The following PCDHGC5 variants were observed in gnomAD, a reference collection of about 807,000 sequenced individuals.
The protein encoded by PCDHGC5 is protocadherin gamma-C5.
A neutral mutation model predicts 59.0 loss-of-function variants in PCDHGC5; 25 were observed. That is an observed-to-expected ratio of 0.42 (90% CI 0.31 to 0.59). PCDHGC5 has a LOEUF of 0.59. Ranked by LOEUF, PCDHGC5 falls within the 20% of genes least tolerant of loss-of-function variation. The pLI is 0.13. For synonymous variants in PCDHGC5, 434 were observed against 505.5 expected, an observed-to-expected ratio of 0.86 and a Z score of 1.90; for missense variants, 1,067 against 1,206.4, an observed-to-expected ratio of 0.88 and a Z score of 1.71.
At chr5:141,500,947 C>T (rs933082173) in intron 2 of PCDHGC5, among the ~76,000 whole-genome samples, 15 of 151,822 alleles carry the variant, frequency 9.9e-5, no homozygotes, top group African/African-American at 3.6e-4. Context: ...CGGCTCACTG[C>T]AAGCTCCACC....
chr5:141,490,421 C>T lies in PCDHGC5; in HGVS notation c.1181C>T (p.Pro394Leu). The change falls in exon 1 of 4, where the codon CCA (proline) becomes CTA (leucine). Residue 394 changes from proline (P) to leucine (L), a missense_variant. Coordinates refer to ENST00000252087, the MANE Select transcript of PCDHGC5 (RefSeq NM_018929.3). The surrounding 1 kb of genome is among the most constrained non-coding windows in gnomAD (Gnocchi z 5.4). ...AGCCTTGATATCTCTCCGGACCTGCCATTTCAGATTAAGCCTTCTGAGAAC... is the reference window on the plus strand; with the variant it reads ...AGCCTTGATATCTCTCCGGACCTGCTATTTCAGATTAAGCCTTCTGAGAAC... ...EVSLDISPDLPFQIKPSENHY... is the reference protein window; with the variant it reads ...EVSLDISPDLLFQIKPSENHY... 1 of 1,614,192 alleles carries T rather than the reference C, an allele frequency of 6.2e-7. No homozygotes were observed. The highest frequency in any genetic ancestry group is 8.5e-7 in the Non-Finnish European group (1 of 1,180,016).
intron 3 of PCDHGC5, among the ~76,000 whole-genome samples, chr5:141,506,682 C>A (rs1333272766): frequency 6.6e-6 from 1 of 152,192 alleles, no homozygotes; most frequent in East Asian, 1.9e-4. Context: ...ATATTATTAT[C>A]TTTGCTGACC....
chr5:141,505,557 A>C (rs2099846692), intron 3 of PCDHGC5, 76 bp downstream of exon 3: 1 of 1,606,080 alleles, frequency 6.2e-7, no homozygotes, highest in Non-Finnish European at 8.5e-7. Flanking sequence ...CACCATGCCC[A>C]CGGACTGGAT....
intron 2 of PCDHGC5, among the ~76,000 whole-genome samples, chr5:141,498,889 C>T (rs1415870992): frequency 3.4e-5 from 5 of 146,174 alleles, no homozygotes; most frequent in African/African-American, 1.3e-4. Flanking sequence ...GCTGAGATCA[C>T]ACCACTGCAC....
chr5:141,506,435 G>T (rs1470687416), intron 3 of PCDHGC5, among the ~76,000 whole-genome samples: 1 of 126,234 alleles, frequency 7.9e-6, no homozygotes, highest in Non-Finnish European at 1.6e-5. Context: ...CAACAGTCTC[G>T]CTCTGTCTCA....
intron 3 of PCDHGC5, chr5:141,508,338 A>T (rs1245526252): frequency 1.3e-5 from 2 of 152,224 alleles, no homozygotes; most frequent in Non-Finnish European, 2.9e-5. Flanking sequence ...AACTGACTCT[A>T]CAGAAAGTCA....
intron 2 of PCDHGC5, among the ~76,000 whole-genome samples, chr5:141,497,865 A>G (rs1248242691): frequency 2.0e-5 from 3 of 152,168 alleles, no homozygotes; most frequent in Admixed American, 2.0e-4. Flanking sequence ...CAGCGGCTCC[A>G]AAGTGAAATA....
chr5:141,507,478 C>T (rs933478897), intron 3 of PCDHGC5, among the ~76,000 whole-genome samples: 5 of 152,158 alleles, frequency 3.3e-5, no homozygotes, highest in African/African-American at 1.2e-4. Flanking sequence ...GGACTGCTGG[C>T]CTCCTGAGGC....
Position 141,489,381 on chromosome 5 carries a change from T to C in PCDHGC5, c.141T>C (p.Asn47=). 3 of 1,613,894 alleles carry C rather than the reference T, an allele frequency of 1.9e-6. No individual in the cohort carries two copies. The highest frequency in any genetic ancestry group is 2.5e-6 in the Non-Finnish European group (3 of 1,179,802). Residue 47 remains asparagine, a synonymous_variant, in exon 1 of 4, where the codon AAT becomes AAC. Coordinates refer to ENST00000252087, the MANE Select transcript of PCDHGC5 (RefSeq NM_018929.3). The surrounding 1 kb of genome is among the most constrained non-coding windows in gnomAD (Gnocchi z 4.5). ...EESEPGTLVG[N]VAQDLGLKMT... ...CTGAGCCGGGGACGCTGGTGGGGAA[T>C]GTTGCTCAGGATCTGGGCTTAAAGA...
intron 2 of PCDHGC5, 34 bp from the exon 3 acceptor site, chr5:141,505,359 G>T: frequency 1.9e-6 from 3 of 1,613,870 alleles, no homozygotes; most frequent in Non-Finnish European, 2.5e-6. Context: ...TGCCGGCCTG[G>T]GAGTCTGTGC....
At position 141,493,841 on chromosome 5, in the gene PCDHGC5, T is replaced by C. The variant is rs774682943; in HGVS notation, c.2461-966T>C. On this transcript the variant is annotated intron_variant, in intron 1 of 3. Transcript: ENST00000252087. The surrounding 1 kb of genome is among the most constrained non-coding windows in gnomAD (Gnocchi z 4.3). ...CTCTGCTTCTGGGAGCAAGTATGAGTATTAATTACCAGCCCACCCCAGAAC... is the reference window on the plus strand; with the variant it reads ...CTCTGCTTCTGGGAGCAAGTATGAGCATTAATTACCAGCCCACCCCAGAAC... Among the ~76,000 whole-genome samples the C allele has an allele frequency of 3.3e-5, 5 of 152,140 alleles. No homozygotes were observed. In the East Asian group the frequency reaches 9.7e-4, roughly 29 times the overall value.
chr5:141,511,537 A>C lies in PCDHGC5; in HGVS notation c.*364A>C. 6.3e-6 allele frequency: 2 copies of C among 319,254 alleles called. No individual in the cohort carries two copies. The highest frequency in any genetic ancestry group is 6.7e-5 in the South Asian group (2 of 29,854). 19.8% of individuals were successfully genotyped at this position (319,254 alleles called of 1,614,324 possible). A position where few individuals can be genotyped will look rare whatever the true frequency, so the allele number is the denominator to read the frequency against. On this transcript the variant is annotated 3_prime_UTR_variant, in exon 4 of 4. Transcript: ENST00000252087. ...TCCATCCCATGCCTCCCTCCTCCCC[A>C]CCCCACTCCAACAGTTCCTCTTTCC... is the stretch of plus-strand genomic sequence containing the variant.
chr5:141,497,240 GA>G (rs1221446648), intron 2 of PCDHGC5, among the ~76,000 whole-genome samples: 125 of 152,188 alleles, frequency 8.2e-4, no homozygotes, highest in African/African-American at 3.0e-3. Flanking sequence ...AGGCTTCTAG[GA>G]GGAGGTGACA....
intron 2 of PCDHGC5, among the ~76,000 whole-genome samples, chr5:141,503,851 A>C (rs1484022055): frequency 6.6e-6 from 1 of 152,116 alleles, no homozygotes; most frequent in Non-Finnish European, 1.5e-5. Context: ...CCTTGGAAAA[A>C]TTGTAAAGCA....
chr5:141,506,688 T>G (rs114532236), intron 3 of PCDHGC5, among the ~76,000 whole-genome samples: 2,113 of 152,334 alleles, frequency 0.014, 37 homozygotes, highest in African/African-American at 0.048. Flanking sequence ...TTATCTTTGC[T>G]GACCCAAACC....
chr5:141,494,962 T>G (rs1644946600), intron 2 of PCDHGC5, 97 bp downstream of exon 2: 4 of 1,596,756 alleles, frequency 2.5e-6, no homozygotes, highest in Non-Finnish European at 3.4e-6. Context: ...TTGCTACAGA[T>G]GGCTTCTCCC....
chr5:141,497,740 C>G (rs954595046), intron 2 of PCDHGC5, among the ~76,000 whole-genome samples: 9 of 152,054 alleles, frequency 5.9e-5, no homozygotes, highest in African/African-American at 2.2e-4. Context: ...GGTTTCGCCA[C>G]GTTGGCCAGG....
At chr5:141,499,212 G>A (rs904920940) in intron 2 of PCDHGC5, among the ~76,000 whole-genome samples, 1 of 151,898 alleles carries the variant, frequency 6.6e-6, no homozygotes, top group African/African-American at 2.4e-5. Context: ...TGTAACCCAG[G>A]CCCTGCCCTG....
rs150106838 is a variant in PCDHGC5, at chr5:141,503,886, T to C, written c.2520-1507T>C. On this transcript the variant is annotated intron_variant, in intron 2 of 3. Coordinates refer to ENST00000252087, the MANE Select transcript of PCDHGC5 (RefSeq NM_018929.3). Reference sequence around the variant, plus strand: ...AGTTCTTGGTTGTGCTCACCCACCATGACAAAATATGCACACACACAACGC... The same window carrying C: ...AGTTCTTGGTTGTGCTCACCCACCACGACAAAATATGCACACACACAACGC... Among the ~76,000 whole-genome samples, 20 of 152,290 alleles carry C rather than the reference T, an allele frequency of 1.3e-4. No individual in the cohort carries two copies. The South Asian group carries it at 3.9e-3, about 30-fold the overall frequency.
Sources: gnomAD v4.1 joint callset for allele counts (sites outside exome capture counted in the v4.1 genomes callset) on GRCh38, gnomAD v4.1.1 for gene constraint, Gnocchi (gnomAD v3.1) non-coding constraint, MANE v1.5 for transcripts, NCBI Gene and HGNC (gene_info 2026-07-23, HGNC 2026-07-21) for gene names.